CPEB3: variants seen among roughly 807,000 people sequenced by gnomAD.
CPEB3 encodes the protein cytoplasmic polyadenylation element-binding protein 3.
Under a neutral mutation model 67.2 loss-of-function variants are expected in CPEB3, and 20 were observed. The ratio of observed to expected loss-of-function variants is 0.30; its 90% CI spans 0.21 to 0.43. The LOEUF (loss-of-function observed/expected upper bound fraction) is 0.43. Among genes scored for constraint, CPEB3 ranks in the 20% least tolerant of loss-of-function variants. The pLI is 1.00. For synonymous variants in CPEB3, 376 were observed against 393.1 expected (o/e 0.96, Z 0.51); for missense variants, 746 against 968.6 (o/e 0.77, Z 3.05).
At chr10:92,178,359 A>G (rs1032536337) in intron 4 of CPEB3, among the ~76,000 whole-genome samples, 1 of 151,996 alleles carries the variant, frequency 6.6e-6, no homozygotes, top group African/African-American at 2.4e-5. Flanking sequence ...GGGTTTCTCC[A>G]CGTTGGCCAG....
chr10:92,129,389 A>G (rs1167664529), intron 6 of CPEB3, among the ~76,000 whole-genome samples: 2 of 152,080 alleles, frequency 1.3e-5, no homozygotes, highest in African/African-American at 2.4e-5. Flanking sequence ...AAAAATAACT[A>G]ATGGGCACTA....
intron 2 of CPEB3, among the ~76,000 whole-genome samples, chr10:92,219,955 C>T (rs1055149604): frequency 6.6e-6 from 1 of 152,276 alleles, no homozygotes; most frequent in South Asian, 2.1e-4. Context: ...GTCAGGAGTT[C>T]GATACCAGCC....
chr10:92,289,732 A>AAAAAAAAAAATATATATATAT, intron 1 of CPEB3, among the ~76,000 whole-genome samples: 1 of 75,772 alleles, frequency 1.3e-5, no homozygotes, highest in Non-Finnish European at 2.6e-5. Context: ...AAAAAAAAAA[A>AAAAAAAAAAATATATATATAT]ATATATATAT....
chr10:92,225,062 C>T (rs1323038796), intron 2 of CPEB3, among the ~76,000 whole-genome samples: 1 of 151,448 alleles, frequency 6.6e-6, no homozygotes, highest in Non-Finnish European at 1.5e-5. Context: ...GCAACCTCCA[C>T]CTCCTGGGTT....
At chr10:92,121,338 A>AT (rs1240564101) in intron 6 of CPEB3, among the ~76,000 whole-genome samples, 2 of 148,226 alleles carry the variant, frequency 1.3e-5, no homozygotes, top group Non-Finnish European at 3.0e-5. Context: ...CTATTGGGGA[A>AT]ATACACACAC....
intron 1 of CPEB3, among the ~76,000 whole-genome samples, chr10:92,263,290 A>G (rs1216443586): frequency 1.1e-4 from 16 of 152,194 alleles, no homozygotes; most frequent in East Asian, 1.9e-4. Flanking sequence ...TGGCCAGGCC[A>G]GTCTCGAACT....
intron 1 of CPEB3, among the ~76,000 whole-genome samples, chr10:92,264,553 A>G (rs1208598272): frequency 6.6e-6 from 1 of 151,850 alleles, no homozygotes; most frequent in Non-Finnish European, 1.5e-5. Flanking sequence ...TTTTTTCTCA[A>G]TCAAAAGTCA....
intron 4 of CPEB3, among the ~76,000 whole-genome samples, chr10:92,173,257 G>A (rs1159185082): frequency 6.6e-6 from 1 of 152,156 alleles, no homozygotes; most frequent in Non-Finnish European, 1.5e-5. Flanking sequence ...AGTCCACCGG[G>A]AAGAGTAAGT....
At chr10:92,196,829 G>A (rs1485200327) in intron 2 of CPEB3, among the ~76,000 whole-genome samples, 1 of 151,684 alleles carries the variant, frequency 6.6e-6, no homozygotes, top group Non-Finnish European at 1.5e-5. Flanking sequence ...CTACTTCAGA[G>A]GCTGAGGCAG....
intron 2 of CPEB3, among the ~76,000 whole-genome samples, chr10:92,235,045 G>GGCCT (rs1851461633): frequency 6.6e-6 from 1 of 152,154 alleles, no homozygotes; most frequent in Admixed American, 6.5e-5. Flanking sequence ...CTTGGCACAG[G>GGCCT]GCCTGGCCCA....
At chr10:92,179,883 T>TA (rs146057602) in intron 4 of CPEB3, among the ~76,000 whole-genome samples, 5,508 of 152,246 alleles carry the variant, frequency 0.036, 317 homozygotes, top group African/African-American at 0.13. Context: ...TCAACATACC[T>TA]ACTCAAGCAA....
intron 6 of CPEB3, among the ~76,000 whole-genome samples, chr10:92,113,994 A>G (rs1037428911): frequency 2.6e-5 from 4 of 152,204 alleles, no homozygotes; most frequent in Admixed American, 6.5e-5. Flanking sequence ...TACTATAAAT[A>G]ATCCTGTGTC....
chr10:92,265,996 G>A (rs1853038987), intron 1 of CPEB3, among the ~76,000 whole-genome samples: 1 of 151,894 alleles, frequency 6.6e-6, no homozygotes, highest in Admixed American at 6.6e-5. Flanking sequence ...TATGATAAAG[G>A]TGGGACTGTT....
chr10:92,278,005 A>G (rs1244953850), intron 1 of CPEB3, among the ~76,000 whole-genome samples: 1 of 151,952 alleles, frequency 6.6e-6, no homozygotes, highest in African/African-American at 2.4e-5. Context: ...CAAGATGGTG[A>G]AACCCCATCT....
At chr10:92,214,858 C>G (rs1392025700) in intron 2 of CPEB3, among the ~76,000 whole-genome samples, 1 of 150,830 alleles carries the variant, frequency 6.6e-6, no homozygotes, top group Non-Finnish European at 1.5e-5. Flanking sequence ...TTTGTTATTT[C>G]TTTTTTTTGA....
intron 2 of CPEB3, among the ~76,000 whole-genome samples, chr10:92,201,452 C>T (rs919360835): frequency 1.3e-5 from 2 of 152,138 alleles, no homozygotes; most frequent in Non-Finnish European, 2.9e-5. Context: ...CACTGGAACC[C>T]GGGAGGCAGA....
chr10:92,247,076 A>G (rs1013141639), intron 1 of CPEB3, among the ~76,000 whole-genome samples: 1 of 152,232 alleles, frequency 6.6e-6, no homozygotes, highest in Non-Finnish European at 1.5e-5. Flanking sequence ...ATCTAAAAAG[A>G]AAATGACTCG....
intron 2 of CPEB3, among the ~76,000 whole-genome samples, chr10:92,234,456 G>A (rs1402566680): frequency 6.6e-6 from 1 of 152,112 alleles, no homozygotes; most frequent in Non-Finnish European, 1.5e-5. Flanking sequence ...ATCTCATAGG[G>A]TCAAGTACAG....
chr10:92,092,935 A>C (rs910338499), intron 7 of CPEB3, among the ~76,000 whole-genome samples: 2 of 152,214 alleles, frequency 1.3e-5, no homozygotes, highest in African/African-American at 4.8e-5. Flanking sequence ...CATTTTTCTT[A>C]ACTGGGACTC....
Sources: allele counts gnomAD v4.1 joint callset (sites outside exome capture counted in the v4.1 genomes callset), GRCh38; gene constraint gnomAD v4.1.1; transcripts MANE v1.5; gene names NCBI Gene and HGNC (gene_info 2026-07-23, HGNC 2026-07-21).